Variants in SLC1A6 observed in about 807,000 individuals in gnomAD.
SLC1A6 encodes excitatory amino acid transporter 4.
A neutral mutation model predicts 42.1 loss-of-function variants in SLC1A6; 15 were observed. The observed-to-expected ratio is 0.36, with a 90% confidence interval of 0.24 to 0.55. The LOEUF is 0.55. Among genes scored for constraint, SLC1A6 ranks in the 20% least tolerant of loss-of-function variants. The pLI is 0.88. For missense variants in SLC1A6, 542 were observed against 772.5 expected, an observed-to-expected ratio of 0.70 and a Z score of 3.54; for synonymous variants, 317 against 319.7, an observed-to-expected ratio of 0.99 and a Z score of 0.09.
chr19:14,978,802 A>G (rs1195414158), intron 1 of SLC1A6, among the ~76,000 whole-genome samples: 1 of 151,988 alleles, frequency 6.6e-6, no homozygotes, highest in Middle Eastern at 3.2e-3. Context: ...ATTCATGTAC[A>G]CCCTCAGGCA....
intron 1 of SLC1A6, among the ~76,000 whole-genome samples, chr19:15,001,297 G>A (rs1364641370): frequency 6.6e-6 from 1 of 152,186 alleles, no homozygotes; most frequent in African/African-American, 2.4e-5. Context: ...GAGGGATGGC[G>A]TATAGCCCGG....
Position 14,956,465 on chromosome 19 carries a change from C to G in SLC1A6, c.1169+11G>C. The stretch of plus-strand genomic sequence containing the variant: ...CCAGGAATGGTGCTGGGGTGGGGAG[C>G]AAGGCCATACCTGGAAGACGTGCCC... On this transcript the variant is annotated intron_variant, in intron 7 of 9. Coordinates refer to ENST00000594383, the MANE Select transcript of SLC1A6 (RefSeq NM_005071.3). 1 of 1,541,434 alleles carries G rather than the reference C, an allele frequency of 6.5e-7. No homozygotes were observed.
At chr19:15,009,624 G>A (rs1020822975) in intron 1 of SLC1A6, among the ~76,000 whole-genome samples, 3 of 152,102 alleles carry the variant, frequency 2.0e-5, no homozygotes, top group Non-Finnish European at 4.4e-5. Flanking sequence ...GGGTGAGAAG[G>A]GGGTGAGGGA....
chr19:14,966,261 G>A (rs1321820319), intron 4 of SLC1A6, among the ~76,000 whole-genome samples: 2 of 152,182 alleles, frequency 1.3e-5, no homozygotes, highest in Admixed American at 6.5e-5. Flanking sequence ...AGAGGCTGAG[G>A]CAGGTAGATT....
At chr19:14,954,719 A>G (rs1003599894) in intron 7 of SLC1A6, among the ~76,000 whole-genome samples, 1 of 152,152 alleles carries the variant, frequency 6.6e-6, no homozygotes, top group African/African-American at 2.4e-5. Flanking sequence ...GCAGAAGACA[A>G]GGGTATAACA....
At chr19:14,989,542 G>A (rs1439657992) in intron 1 of SLC1A6, among the ~76,000 whole-genome samples, 1 of 150,688 alleles carries the variant, frequency 6.6e-6, no homozygotes, top group African/African-American at 2.5e-5. Flanking sequence ...TTACAGGCGT[G>A]AGCCACCGTG....
intron 7 of SLC1A6, 53 bp from the exon 8 acceptor site, chr19:14,954,382 G>T (rs763876742): frequency 2.6e-4 from 406 of 1,534,586 alleles, no homozygotes; most frequent in Non-Finnish European, 3.4e-4. Context: ...TGGGGGCGGG[G>T]CTGGGAACAG....
intron 1 of SLC1A6, among the ~76,000 whole-genome samples, chr19:14,997,357 G>A (rs2045852098): frequency 1.3e-5 from 2 of 152,048 alleles, no homozygotes; most frequent in Non-Finnish European, 2.9e-5. Context: ...AAACCAAGCT[G>A]TGCCCAGACC....
intron 5 of SLC1A6, 25 bp from the exon 6 acceptor site, chr19:14,962,370 A>C: frequency 6.4e-7 from 1 of 1,574,050 alleles, no homozygotes; most frequent in Non-Finnish European, 8.7e-7. Context: ...GATTGCGCCC[A>C]GATTCAATTC....
intron 1 of SLC1A6, among the ~76,000 whole-genome samples, chr19:15,000,220 G>T (rs1451573333): frequency 3.3e-5 from 5 of 152,092 alleles, no homozygotes; most frequent in Non-Finnish European, 5.9e-5. Flanking sequence ...CTTATGATGG[G>T]TTTATCAGGA....
At chr19:15,005,584 A>T (rs1300123354) in intron 1 of SLC1A6, among the ~76,000 whole-genome samples, 1 of 150,766 alleles carries the variant, frequency 6.6e-6, no homozygotes, top group Non-Finnish European at 1.5e-5. Context: ...GAAGTGTCCA[A>T]AATGGGTCAT....
intron 1 of SLC1A6, among the ~76,000 whole-genome samples, chr19:14,994,144 C>A (rs895237269): frequency 3.9e-5 from 6 of 152,100 alleles, no homozygotes; most frequent in African/African-American, 7.2e-5. Flanking sequence ...TCCATCTGTC[C>A]TCCCCTTGTT....
At chr19:14,957,214 C>A (rs1223414113) in intron 6 of SLC1A6, among the ~76,000 whole-genome samples, 1 of 152,202 alleles carries the variant, frequency 6.6e-6, no homozygotes, top group Admixed American at 6.5e-5. Flanking sequence ...CCCTCTCAAA[C>A]CACTTGTCCT....
intron 3 of SLC1A6, among the ~76,000 whole-genome samples, chr19:14,968,810 A>C (rs1265419976): frequency 6.6e-6 from 1 of 151,130 alleles, no homozygotes; most frequent in Non-Finnish European, 1.5e-5. Context: ...CCCATCCTCT[A>C]TTGAGTCTTG....
chr19:14,956,619 G>A lies in SLC1A6; in HGVS notation c.1026C>T (p.Tyr342=). ...ACAGGCCCACGATGACGGTCAGGGT[G>A]TACATGCCCAGCTGACCCCCCAGGA... ...MAVLGGQLGM[Y]TLTVIVGLFL... is the part of the protein sequence containing the mutation. Residue 342 remains tyrosine, a synonymous_variant, in exon 7 of 10, where the codon TAC becomes TAT. Coordinates refer to ENST00000594383, the MANE Select transcript of SLC1A6 (RefSeq NM_005071.3). The A allele has an allele frequency of 1.2e-6, 2 of 1,613,928 alleles. No homozygotes were observed.
At chr19:14,975,896 A>AAGGGGGAAGAGAAGGG (rs148123004) in intron 1 of SLC1A6, among the ~76,000 whole-genome samples, 1 of 84,292 alleles carries the variant, frequency 1.2e-5, no homozygotes, top group African/African-American at 4.9e-5. Flanking sequence ...GAAGGGAAGG[A>AAGGGGGAAGAGAAGGG]AAGGGAAGGG....
At chr19:14,984,891 T>A (rs2045785709) in intron 1 of SLC1A6, among the ~76,000 whole-genome samples, 1 of 152,146 alleles carries the variant, frequency 6.6e-6, no homozygotes, top group Admixed American at 6.6e-5. Context: ...ATTTTTTTGT[T>A]TGTTTGTTTA....
At chr19:14,991,478 C>T (rs772714486) in intron 1 of SLC1A6, among the ~76,000 whole-genome samples, 1 of 151,986 alleles carries the variant, frequency 6.6e-6, no homozygotes, top group African/African-American at 2.4e-5. Context: ...CAAAAATTAG[C>T]TGGGTGTGGT....
intron 4 of SLC1A6, among the ~76,000 whole-genome samples, chr19:14,965,582 G>T (rs2045564865): frequency 6.6e-6 from 1 of 152,140 alleles, no homozygotes; most frequent in South Asian, 2.1e-4. Flanking sequence ...GGGTGCAGTG[G>T]CTTACACCTG....
Sources: gnomAD v4.1 joint callset for allele counts (sites outside exome capture counted in the v4.1 genomes callset) on GRCh38, gnomAD v4.1.1 for gene constraint, MANE v1.5 for transcripts, NCBI Gene and HGNC (gene_info 2026-07-23, HGNC 2026-07-21) for gene names.